Variants in DDR2 observed in about 807,000 individuals in gnomAD.
The protein encoded by DDR2 is discoidin domain-containing receptor 2.
DDR2 carries 27 observed loss-of-function variants against 94.9 expected under a neutral mutation model. The observed-to-expected ratio is 0.28, with a 90% CI of 0.21 to 0.39. The LOEUF (loss-of-function observed/expected upper bound fraction) is 0.39, where lower values mean the gene tolerates loss of function less well. Among genes scored for constraint, DDR2 ranks in the 10% least tolerant of loss-of-function variants. The pLI, the probability that DDR2 is intolerant of heterozygous loss-of-function variation, is 1.00. For synonymous variants in DDR2, 382 were observed against 377.2 expected (o/e 1.01, Z -0.15); for missense variants, 783 against 1,076.0 (o/e 0.73, Z 3.81).
chr1:162,666,234 C>G (rs147908996), intron 2 of DDR2, among the ~76,000 whole-genome samples: 21 of 152,194 alleles, frequency 1.4e-4, no homozygotes, highest in Non-Finnish European at 2.2e-4. Flanking sequence ...TTCTCTCTCT[C>G]GCATTCTTTT....
At chr1:162,658,988 A>G (rs1378466063) in intron 2 of DDR2, among the ~76,000 whole-genome samples, 1 of 152,088 alleles carries the variant, frequency 6.6e-6, no homozygotes, top group East Asian at 1.9e-4. Flanking sequence ...ACTGGGGAGG[A>G]GGGGAGCGGT....
chr1:162,686,723 A>G (rs9287052), intron 2 of DDR2, among the ~76,000 whole-genome samples: 125,018 of 152,188 alleles, frequency 0.82, 52,346 homozygotes, highest in Middle Eastern at 0.93. Flanking sequence ...AATCCTTTCG[A>G]TATATACCCA....
chr1:162,770,658 T>C (rs774856143), intron 12 of DDR2, 146 bp downstream of exon 12: 1 of 859,220 alleles, frequency 1.2e-6, no homozygotes, highest in South Asian at 1.4e-5. Flanking sequence ...CTAGATTTGG[T>C]CTGCCGCTGC....
chr1:162,706,592 G>A (rs1660670994), intron 2 of DDR2, among the ~76,000 whole-genome samples: 4 of 152,152 alleles, frequency 2.6e-5, no homozygotes, highest in Admixed American at 2.6e-4. Flanking sequence ...TTCTGAGAAT[G>A]AGATTGAGAA....
chr1:162,765,951 C>G, intron 9 of DDR2, 50 bp from the exon 10 acceptor site: 2 of 1,570,818 alleles, frequency 1.3e-6, no homozygotes, highest in Non-Finnish European at 1.8e-6. Context: ...AGAGAAAACA[C>G]TAGCTGTCTG....
intron 1 of DDR2, among the ~76,000 whole-genome samples, chr1:162,651,643 A>G (rs980902290): frequency 1.5e-4 from 23 of 152,244 alleles, no homozygotes; most frequent in Admixed American, 6.5e-5. Context: ...AGTACATATT[A>G]CATACTAGGA....
chr1:162,736,012 C>T (rs1040795741), intron 3 of DDR2, among the ~76,000 whole-genome samples: 4 of 152,184 alleles, frequency 2.6e-5, no homozygotes, highest in Admixed American at 6.5e-5. Context: ...CCCAGTGGGA[C>T]GGTCAGTGTG....
chr1:162,640,164 C>T (rs1361643215), intron 1 of DDR2, among the ~76,000 whole-genome samples: 9 of 151,834 alleles, frequency 5.9e-5, no homozygotes, highest in Admixed American at 5.9e-4. Flanking sequence ...GCCTCAGCCT[C>T]CTGAGTAGCT....
intron 2 of DDR2, among the ~76,000 whole-genome samples, chr1:162,670,979 T>C (rs1658807546): frequency 6.6e-6 from 1 of 152,210 alleles, no homozygotes; most frequent in Non-Finnish European, 1.5e-5. Context: ...AAATGCTGTA[T>C]TTAACCTTTT....
At chr1:162,777,996 A>G (rs1450595029) in intron 16 of DDR2, 2 of 160,754 alleles carry the variant, frequency 1.2e-5, no homozygotes, top group African/African-American at 4.8e-5. Context: ...GCTGGGCAAC[A>G]TAATGAGACC....
intron 2 of DDR2, among the ~76,000 whole-genome samples, chr1:162,697,284 C>T (rs1460935858): frequency 6.6e-6 from 1 of 152,000 alleles, no homozygotes; most frequent in Non-Finnish European, 1.5e-5. Flanking sequence ...GCACAGAGCA[C>T]CTCAACTATT....
rs1647261330 is a variant in DDR2 at position 162,772,132 on chromosome 1, A to T, written c.1613A>T (p.Tyr538Phe). 6.2e-7 allele frequency: 1 copy of T among 1,614,060 alleles called. No individual in the cohort carries two copies. Among genetic ancestry groups the T allele is most frequent in the Admixed American group, 1.7e-5 (1 of 59,992 alleles). The stretch of plus-strand genomic sequence containing the variant: ...CAAGGAGTGACAGGAGGCAACACAT[A>T]CTCAGTGCCTGCCGTCACCATGGAC... Reference protein sequence around the residue: ...NLQGVTGGNTYSVPAVTMDLL... With the variant: ...NLQGVTGGNTFSVPAVTMDLL... Residue 538 changes from tyrosine to phenylalanine, a missense_variant, in exon 13 of 18, where the codon TAC becomes TTC. By Grantham distance (22) the Tyr-to-Phe change is conservative. This residue lies in a region of DDR2 where 264 missense variants were observed against 428.2 expected (regional missense o/e 0.62). Transcript: ENST00000367921.
chr1:162,747,360 A>G (rs1662929887), intron 3 of DDR2, among the ~76,000 whole-genome samples: 2 of 152,210 alleles, frequency 1.3e-5, no homozygotes, highest in African/African-American at 4.8e-5. Context: ...TGGCACGAGA[A>G]CTACGTGATG....
chr1:162,775,246 C>A (rs541071171), intron 14 of DDR2, among the ~76,000 whole-genome samples: 1 of 93,912 alleles, frequency 1.1e-5, no homozygotes, highest in Admixed American at 1.4e-4. Context: ...AATAGAGTGA[C>A]TCCATGGCTT....
At position 162,716,899 on chromosome 1, in the gene DDR2, G is replaced by A. The variant is rs529137606; in HGVS notation, c.-27-2138G>A. On this transcript the variant is annotated intron_variant, in intron 2 of 17. Transcript: ENST00000367921. ...GATCAGATATTTATTTCTCCATGAA[G>A]CCTTCCTTAATCACTCCAGCTTAAG... Among the ~76,000 whole-genome samples, 4 of 152,104 alleles carry A rather than the reference G, an allele frequency of 2.6e-5. No individual in the cohort carries two copies. The South Asian group carries it at 6.2e-4, about 24-fold the overall frequency.
intron 12 of DDR2, among the ~76,000 whole-genome samples, chr1:162,771,357 G>A (rs1664257990): frequency 6.6e-6 from 1 of 152,134 alleles, no homozygotes; most frequent in Non-Finnish European, 1.5e-5. Flanking sequence ...CAAGAGCATA[G>A]GATTTTATAG....
chr1:162,772,335 G>A, intron 13 of DDR2, 88 bp downstream of exon 13: 1 of 1,303,508 alleles, frequency 7.7e-7, no homozygotes. Flanking sequence ...TCCAGAGGTG[G>A]ATTCACAACA....
At chr1:162,648,611 C>G (rs1191938407) in intron 1 of DDR2, among the ~76,000 whole-genome samples, 1 of 151,788 alleles carries the variant, frequency 6.6e-6, no homozygotes, top group Non-Finnish European at 1.5e-5. Context: ...ACAAGGAGCA[C>G]TGAGGAAAAA....
intron 2 of DDR2, among the ~76,000 whole-genome samples, chr1:162,692,074 A>T (rs1348979919): frequency 2.0e-5 from 3 of 152,214 alleles, no homozygotes; most frequent in African/African-American, 7.2e-5. Flanking sequence ...GCCTCACCTT[A>T]CCTGGCTGAA....
Sources: allele counts gnomAD v4.1 joint callset (sites outside exome capture counted in the v4.1 genomes callset), GRCh38; gene constraint gnomAD v4.1.1; regional missense constraint gnomAD v4.1.1; transcripts MANE v1.5; gene names NCBI Gene and HGNC (gene_info 2026-07-23, HGNC 2026-07-21).